TNRC6B: variants seen among roughly 807,000 people sequenced by gnomAD.
TNRC6B encodes trinucleotide repeat-containing gene 6B protein.
Under a neutral mutation model 203.6 loss-of-function variants are expected in TNRC6B, and 52 were observed. The ratio of observed to expected loss-of-function variants is 0.26; its 90% CI spans 0.20 to 0.32. The LOEUF (loss-of-function observed/expected upper bound fraction) is 0.32, where lower values mean the gene tolerates loss of function less well. Ranked by LOEUF, TNRC6B falls within the 10% of genes least tolerant of loss-of-function variation. The pLI is 1.00. For synonymous variants in TNRC6B, 838 were observed against 845.7 expected, an observed-to-expected ratio of 0.99 and a Z score of 0.16; for missense variants, 1,923 against 2,286.2, an observed-to-expected ratio of 0.84 and a Z score of 3.24.
chr22:40,132,375 G>A (rs941261531), intron 3 of TNRC6B, among the ~76,000 whole-genome samples: 2 of 149,252 alleles, frequency 1.3e-5, no homozygotes, highest in South Asian at 2.2e-4. Context: ...CAATAAAGAC[G>A]AGACGAGACG....
chr22:40,118,349 T>C lies in TNRC6B; in HGVS notation c.-47+1221T>C, dbSNP rs190593139. ...CTTGCTAAGAGTTCTACACACATTG[T>C]TTAATTTAGTCTTTATAACACCTTT... On this transcript the variant is annotated intron_variant, in intron 2 of 23. Transcript: ENST00000301923. Among the ~76,000 whole-genome samples the C allele has an allele frequency of 5.3e-5, 8 of 152,324 alleles. No homozygotes were observed. In the East Asian group the frequency reaches 1.5e-3, roughly 29 times the overall value.
intron 1 of TNRC6B, among the ~76,000 whole-genome samples, chr22:40,075,606 A>G (rs1248986943): frequency 6.6e-6 from 1 of 151,996 alleles, no homozygotes; most frequent in Non-Finnish European, 1.5e-5. Flanking sequence ...TGTTTAGACC[A>G]CTTACATTTA....
Position 40,276,782 on chromosome 22 carries a change from A to G in TNRC6B, c.3142-295A>G, listed in dbSNP as rs562592353. On this transcript the variant is annotated intron_variant, in intron 7 of 22. Transcript: ENST00000454349. ...GAAAGTAGTCGTGTGCAAAACTTCT[A>G]TTTTAGAAAATCATATCAGACTTCT... 82 of 233,886 alleles carry G rather than the reference A, an allele frequency of 3.5e-4. No individual in the cohort carries two copies. In the South Asian group the frequency reaches 0.011, roughly 32 times the overall value. The allele number at this position is 233,886 out of a possible 1,614,324, so 14.5% of individuals were successfully genotyped here.
chr22:40,122,864 A>G (rs1414818173), intron 2 of TNRC6B, among the ~76,000 whole-genome samples: 3 of 152,302 alleles, frequency 2.0e-5, no homozygotes, highest in Admixed American at 6.5e-5. Flanking sequence ...ACTATTCCCA[A>G]GTTTTGGTAG....
At chr22:40,237,483 C>T (rs889663770) in intron 1 of TNRC6B, among the ~76,000 whole-genome samples, 1 of 152,116 alleles carries the variant, frequency 6.6e-6, no homozygotes, top group African/African-American at 2.4e-5. Flanking sequence ...GGAACTGATG[C>T]GGCGGAAGGG....
intron 12 of TNRC6B, among the ~76,000 whole-genome samples, chr22:40,286,506 CA>C (rs977422398): frequency 1.4e-4 from 20 of 143,270 alleles, no homozygotes; most frequent in Non-Finnish European, 1.4e-4. Flanking sequence ...GACTCCATTT[CA>C]AAAAAAAAAA....
At chr22:40,301,452 C>A in intron 15 of TNRC6B, 119 bp downstream of exon 15, 1 of 1,110,468 alleles carries the variant, frequency 9.0e-7, no homozygotes, top group Non-Finnish European at 1.3e-6. Context: ...GGTAAATATT[C>A]TTATCCCTGG....
At chr22:40,233,554 G>T (rs1046113783) in intron 1 of TNRC6B, among the ~76,000 whole-genome samples, 3 of 151,760 alleles carry the variant, frequency 2.0e-5, no homozygotes, top group Non-Finnish European at 4.4e-5. Context: ...CTCAGGAGGC[G>T]GAGGTTGCAG....
intron 4 of TNRC6B, among the ~76,000 whole-genome samples, chr22:40,159,031 C>T (rs1229246009): frequency 2.0e-5 from 3 of 151,810 alleles, no homozygotes; most frequent in African/African-American, 4.8e-5. Context: ...GGCACAGTCT[C>T]GGCTCACTGC....
chr22:40,165,662 G>A (rs1255656854), intron 4 of TNRC6B, among the ~76,000 whole-genome samples: 3 of 152,292 alleles, frequency 2.0e-5, no homozygotes, highest in East Asian at 3.9e-4. Context: ...CCACATGGCT[G>A]AGGAGGCCTC....
intron 1 of TNRC6B, among the ~76,000 whole-genome samples, chr22:40,094,686 G>A (rs760203300): frequency 1.3e-5 from 2 of 152,178 alleles, no homozygotes; most frequent in African/African-American, 2.4e-5. Flanking sequence ...TTACTTAAAC[G>A]AAAAGTGTTC....
intron 21 of TNRC6B, 115 bp downstream of exon 21, chr22:40,316,127 G>A (rs963427012): frequency 3.4e-5 from 28 of 833,270 alleles, no homozygotes; most frequent in Admixed American, 6.8e-5. Context: ...GGCCGAGGCG[G>A]GTGCATCACG....
chr22:40,049,005 C>T (rs188025104), intron 1 of TNRC6B, among the ~76,000 whole-genome samples: 23 of 152,186 alleles, frequency 1.5e-4, no homozygotes, highest in Middle Eastern at 6.8e-3. Flanking sequence ...GGATTATAGG[C>T]GTGCATCACC....
chr22:40,169,567 T>C (rs1390463136), intron 4 of TNRC6B, among the ~76,000 whole-genome samples: 2 of 152,244 alleles, frequency 1.3e-5, no homozygotes, highest in Non-Finnish European at 2.9e-5. Flanking sequence ...CATACTTTTC[T>C]CCACCTCCAC....
chr22:40,323,825 T>G lies in TNRC6B; in HGVS notation c.*584T>G, dbSNP rs2071370908. 1 of 152,438 alleles carries G rather than the reference T, an allele frequency of 6.6e-6. No individual in the cohort carries two copies. Among genetic ancestry groups the G allele is most frequent in the South Asian group, 2.1e-4 (1 of 4,846 alleles). The allele number at this position is 152,438 out of a possible 1,614,324, so 9.4% of individuals were successfully genotyped here. ...AGGAAAAAATTTGTGATTGGCTGGT[T>G]GATAAATACCAGTGTGTTCTGGCAC... is the stretch of plus-strand genomic sequence containing the variant. On this transcript the variant is annotated 3_prime_UTR_variant, in exon 23 of 23. Transcript: ENST00000454349.
chr22:40,301,608 T>C (rs2071024857), intron 15 of TNRC6B: 1 of 441,388 alleles, frequency 2.3e-6, no homozygotes, highest in Admixed American at 3.9e-5. Flanking sequence ...TGTGTCTGGT[T>C]TATTTTATTT....
chr22:40,139,567 G>C (rs1163331060), intron 3 of TNRC6B, among the ~76,000 whole-genome samples: 2 of 152,064 alleles, frequency 1.3e-5, no homozygotes, highest in Non-Finnish European at 2.9e-5. Flanking sequence ...CCTGACATCA[G>C]GTGATCCTCC....
At chr22:40,221,760 C>CCA (rs2069712732) in intron 1 of TNRC6B, among the ~76,000 whole-genome samples, 1 of 121,906 alleles carries the variant, frequency 8.2e-6, no homozygotes, top group Admixed American at 1.0e-4. Context: ...TGCCCCCCCC[C>CCA]CTTTTTTTTT....
At chr22:40,068,573 C>T (rs775954181) in intron 1 of TNRC6B, among the ~76,000 whole-genome samples, 13 of 152,098 alleles carry the variant, frequency 8.5e-5, no homozygotes, top group Non-Finnish European at 1.8e-4. Context: ...CTGCCTTGGC[C>T]TCCTGAAGTG....
Sources: allele counts gnomAD v4.1 joint callset (sites outside exome capture counted in the v4.1 genomes callset), GRCh38; gene constraint gnomAD v4.1.1; transcripts MANE v1.5; gene names NCBI Gene and HGNC (gene_info 2026-07-23, HGNC 2026-07-21).